Variants in PTPN7 observed in about 807,000 individuals in gnomAD.
The protein encoded by PTPN7 is tyrosine-protein phosphatase non-receptor type 7.
A neutral mutation model predicts 50.3 loss-of-function variants in PTPN7; 33 were observed. The observed-to-expected ratio is 0.66, with a 90% confidence interval of 0.50 to 0.88. PTPN7 has a LOEUF of 0.88. PTPN7 is among the 40% of genes least tolerant of loss of function. The pLI, the probability that PTPN7 is intolerant of heterozygous loss-of-function variation, is 0.00. For synonymous variants in PTPN7, 185 were observed against 186.6 expected (o/e 0.99, Z 0.07); for missense variants, 412 against 475.4 (o/e 0.87, Z 1.24).
chr1:202,150,551 T>G (rs1186456950), intron 8 of PTPN7, 127 bp from the exon 9 acceptor site: 2 of 688,828 alleles, frequency 2.9e-6, no homozygotes, highest in African/African-American at 3.6e-5. Flanking sequence ...GCTCTGGAGA[T>G]GGAGGCAGGT....
intron 9 of PTPN7, among the ~76,000 whole-genome samples, chr1:202,149,034 T>A (rs1253298716): frequency 2.0e-5 from 3 of 151,966 alleles, no homozygotes; most frequent in Admixed American, 6.6e-5. Flanking sequence ...TTTTGTATTT[T>A]TAGTAGAAAC....
At chr1:202,150,279 G>C in intron 9 of PTPN7, 32 bp downstream of exon 9, 1 of 1,551,682 alleles carries the variant, frequency 6.4e-7, no homozygotes, top group East Asian at 2.3e-5. Context: ...ATCCGTTAAC[G>C]TTGTTGGCCT....
At chr1:202,148,846 A>AATTTT in intron 9 of PTPN7, 147 bp from the exon 10 acceptor site, 3 of 208,360 alleles carry the variant, frequency 1.4e-5, no homozygotes, top group Admixed American at 1.0e-4. Flanking sequence ...TCATCTTTTC[A>AATTTT]CTTTTTTTTT....
intron 9 of PTPN7, 105 bp from the exon 10 acceptor site, chr1:202,148,804 C>T: frequency 1.7e-6 from 1 of 601,346 alleles, no homozygotes; most frequent in South Asian, 2.4e-5. Context: ...TCCTGACTTT[C>T]TCAAAGAACA....
At chr1:202,161,350 T>G (rs1325238986), upstream of PTPN7, 1 of 1,206,048 alleles carries the variant, frequency 8.3e-7, no homozygotes, top group Non-Finnish European at 1.1e-6. Flanking sequence ...CCTGCAGGCC[T>G]CCTCCCAGAA....
upstream of PTPN7, chr1:202,160,775 G>A: frequency 6.4e-7 from 1 of 1,550,836 alleles, no homozygotes; most frequent in Non-Finnish European, 8.7e-7. This position sits in a 1 kb window ranked among gnomAD's most constrained non-coding sequence, Gnocchi z 4.8. Context: ...CCGTTCCCTG[G>A]GAATGGGTGA....
At chr1:202,152,950 A>G (rs1477971501) in intron 7 of PTPN7, among the ~76,000 whole-genome samples, 1 of 152,216 alleles carries the variant, frequency 6.6e-6, no homozygotes, top group Non-Finnish European at 1.5e-5. Context: ...CCATAAGCAC[A>G]TGACTTTGGG....
chr1:202,152,515 G>T, intron 8 of PTPN7, 27 bp downstream of exon 8: 1 of 1,605,812 alleles, frequency 6.2e-7, no homozygotes. Flanking sequence ...ACAGTCCACA[G>T]GCTGCAGTGA....
chr1:202,153,332 C>T (rs756371491), intron 7 of PTPN7, among the ~76,000 whole-genome samples: 8 of 152,138 alleles, frequency 5.3e-5, no homozygotes, highest in Non-Finnish European at 1.0e-4. Flanking sequence ...CCATGTTGGC[C>T]AGGCTGGTCT....
At chr1:202,149,949 C>T in intron 9 of PTPN7, 1 of 165,086 alleles carries the variant, frequency 6.1e-6, no homozygotes, top group Non-Finnish European at 1.3e-5. Flanking sequence ...TGTCCTGCCT[C>T]AGCCTCCTGA....
At chr1:202,155,482 C>A in intron 5 of PTPN7, 51 bp downstream of exon 5, 2 of 1,489,204 alleles carry the variant, frequency 1.3e-6, no homozygotes, top group Middle Eastern at 2.0e-4. Flanking sequence ...TATTCTCAGA[C>A]GTCTGAGAAT....
chr1:202,161,551 G>C, upstream of PTPN7: 1 of 1,287,556 alleles, frequency 7.8e-7, no homozygotes, highest in East Asian at 5.6e-5. Context: ...CAGCAGCCCA[G>C]CCGGTTCATG....
In PTPN7 at chr1:202,150,251, C is replaced by T. The variant is rs1358638847; in HGVS notation, c.989+60G>A. On this transcript the variant is annotated intron_variant, in intron 9 of 9. Transcript: ENST00000691036. ...TGATGGGCCTAGCAGAACTCTGGGG[C>T]CCAGAGGCACTGATGCCATCCGTTA... 28 of 1,341,804 alleles carry T rather than the reference C, an allele frequency of 2.1e-5. No homozygotes were observed. The East Asian group carries it at 6.4e-4, about 31-fold the overall frequency. The allele number at this position is 1,341,804 out of a possible 1,614,324, so 83.1% of individuals were successfully genotyped here.
At chr1:202,157,278 G>C (rs1656773458) in intron 4 of PTPN7, among the ~76,000 whole-genome samples, 1 of 152,212 alleles carries the variant, frequency 6.6e-6, no homozygotes, top group Non-Finnish European at 1.5e-5. Context: ...GGGAGGCCGA[G>C]GTGGGCGGAT....
chr1:202,149,234 C>A (rs145702417), intron 9 of PTPN7, among the ~76,000 whole-genome samples: 1 of 152,124 alleles, frequency 6.6e-6, no homozygotes, highest in Admixed American at 6.6e-5. Context: ...CTGCCCCTTA[C>A]ACGTGCTGAG....
chr1:202,159,005 A>C lies in PTPN7; in HGVS notation c.122+276T>G. On this transcript the variant is annotated intron_variant, in intron 2 of 9. Transcript: ENST00000691036. The surrounding 1 kb of genome is among the most constrained non-coding windows in gnomAD (Gnocchi z 4.6). ...CAGCTGCCTGCCTCTTCCCACTCCCAGCCAGGCCCTGTGGCTCCGACATGC... is the reference window on the plus strand; with the variant it reads ...CAGCTGCCTGCCTCTTCCCACTCCCCGCCAGGCCCTGTGGCTCCGACATGC... The C allele has an allele frequency of 2.2e-6, 1 of 458,918 alleles. No individual in the cohort carries two copies. 28.4% of individuals were successfully genotyped at this position (458,918 alleles called of 1,614,324 possible).
chr1:202,159,711 AAG>A lies in PTPN7; in HGVS notation c.-52-259_-52-258del, dbSNP rs548816537. 9.5e-6 allele frequency: 13 copies of A among 1,363,094 alleles called. No homozygotes were observed. In the East Asian group the frequency reaches 2.9e-4, roughly 30 times the overall value. 84.4% of individuals were successfully genotyped at this position (1,363,094 alleles called of 1,614,324 possible). A position where few individuals can be genotyped will look rare whatever the true frequency, so the allele number is the denominator to read the frequency against. ...ATAGGAAAGAATCCAGAAGGAGGAA[AAG>A]AGAGAGGGGAGAGAGGCCACACACC... On this transcript the variant is annotated intron_variant, in intron 1 of 9. Transcript: ENST00000691036. The surrounding 1 kb of genome is among the most constrained non-coding windows in gnomAD (Gnocchi z 4.6).
intron 7 of PTPN7, 73 bp downstream of exon 7, chr1:202,153,652 G>A: frequency 4.0e-6 from 5 of 1,246,594 alleles, no homozygotes; most frequent in Non-Finnish European, 3.5e-6. Flanking sequence ...TCCTAGTGAA[G>A]AGCCAGCCTG....
rs777409611 is a variant in PTPN7, at chr1:202,158,339, A to G, written c.123-38T>C. 4.4e-6 allele frequency: 7 copies of G among 1,599,902 alleles called. No individual in the cohort carries two copies. The African/African-American group carries it at 9.5e-5, about 22-fold the overall frequency. The stretch of plus-strand genomic sequence containing the variant: ...CCCACCACTGCCTAGTGAGCACCCA[A>G]TCATATTTGCTTTTCTTTTCTTTTT... On this transcript the variant is annotated intron_variant, in intron 2 of 9. Transcript: ENST00000691036.
Sources: gnomAD v4.1 joint callset for allele counts (sites outside exome capture counted in the v4.1 genomes callset) on GRCh38, gnomAD v4.1.1 for gene constraint, Gnocchi (gnomAD v3.1) non-coding constraint, MANE v1.5 for transcripts, NCBI Gene and HGNC (gene_info 2026-07-23, HGNC 2026-07-21) for gene names.